The following TCP11L2 variants were observed in gnomAD, a reference collection of about 807,000 sequenced individuals.
The protein encoded by TCP11L2 is T-complex protein 11-like protein 2.
In TCP11L2, 39 loss-of-function variants were observed where a neutral mutation model predicts 50.7. The observed-to-expected ratio is 0.77, with a 90% CI of 0.60 to 1.01. The LOEUF is 1.01. Among genes scored for constraint, TCP11L2 ranks in the 50% least tolerant of loss-of-function variants. The pLI, the probability that TCP11L2 is intolerant of heterozygous loss-of-function variation, is 0.00. For missense variants in TCP11L2, 612 were observed against 614.7 expected (o/e 1.00, Z 0.05); for synonymous variants, 192 against 219.3 (o/e 0.88, Z 1.10).
At chr12:106,303,346 A>T (rs1280013817) in intron 1 of TCP11L2, 1 of 152,442 alleles carries the variant, frequency 6.6e-6, no homozygotes, top group African/African-American at 2.4e-5. Context: ...GCCAGGGTAG[A>T]GGCAGGGCGG....
At chr12:106,327,651 T>C (rs1040725222) in intron 6 of TCP11L2, among the ~76,000 whole-genome samples, 3 of 152,204 alleles carry the variant, frequency 2.0e-5, no homozygotes, top group African/African-American at 7.2e-5. Context: ...ATGTCAGCTG[T>C]TAATTATGTC....
At chr12:106,323,376 C>T in intron 5 of TCP11L2, 134 bp from the exon 6 acceptor site, 7 of 657,690 alleles carry the variant, frequency 1.1e-5, no homozygotes, top group Middle Eastern at 4.4e-4. Flanking sequence ...AAACATGACC[C>T]TACCAAATGG....
intron 6 of TCP11L2, among the ~76,000 whole-genome samples, chr12:106,334,252 A>G (rs1342903067): frequency 1.3e-5 from 2 of 152,176 alleles, no homozygotes; most frequent in African/African-American, 2.4e-5. Context: ...AGAGATGTTT[A>G]AAAAAGGTAG....
chr12:106,318,610 C>A (rs558298544), intron 4 of TCP11L2, 146 bp downstream of exon 4: 1 of 961,216 alleles, frequency 1.0e-6, no homozygotes, highest in African/African-American at 1.7e-5. Flanking sequence ...CAAAGCACCA[C>A]CAGATTCGGC....
At chr12:106,329,290 A>G (rs2035664427) in intron 6 of TCP11L2, 15 of 1,536,016 alleles carry the variant, frequency 9.8e-6, no homozygotes, top group Non-Finnish European at 1.3e-5. Context: ...TTTTCGTCAA[A>G]TAAACGAATG....
At chr12:106,316,757 C>T (rs2035100401) in intron 3 of TCP11L2, among the ~76,000 whole-genome samples, 1 of 152,092 alleles carries the variant, frequency 6.6e-6, no homozygotes, top group African/African-American at 2.4e-5. Flanking sequence ...CAGAGACTTT[C>T]TTTTCACTGT....
chr12:106,336,267 TC>T, intron 8 of TCP11L2, 54 bp downstream of exon 8: 1 of 1,500,022 alleles, frequency 6.7e-7, no homozygotes. Context: ...TCTGCATGTG[TC>T]TCAGAGAACA....
chr12:106,335,992 G>A (rs1592973785), intron 7 of TCP11L2, 40 bp from the exon 8 acceptor site: 1 of 1,535,134 alleles, frequency 6.5e-7, no homozygotes, highest in East Asian at 2.4e-5. Context: ...ATGCTATTGA[G>A]CTACCCTTTC....
At chr12:106,346,228 T>C in intron 9 of TCP11L2, 58 bp from the exon 10 acceptor site, 1 of 1,523,562 alleles carries the variant, frequency 6.6e-7, no homozygotes, top group Non-Finnish European at 8.8e-7. Context: ...TGTTCTTGTT[T>C]TTAAAAATTA....
At chr12:106,307,857 A>G (rs1259189573) in intron 1 of TCP11L2, among the ~76,000 whole-genome samples, 1 of 152,234 alleles carries the variant, frequency 6.6e-6, no homozygotes, top group East Asian at 1.9e-4. Context: ...ACATTTGTAT[A>G]CTGTTTACTG....
At chr12:106,310,984 G>C (rs1292319417) in intron 1 of TCP11L2, 57 bp from the exon 2 acceptor site, 5 of 1,438,354 alleles carry the variant, frequency 3.5e-6, no homozygotes, top group African/African-American at 1.4e-5. Context: ...AAGAAGCATT[G>C]GTGGTGCCTG....
chr12:106,304,496 A>G lies in TCP11L2; in HGVS notation c.-36+1555A>G, dbSNP rs145372833. Among the ~76,000 whole-genome samples, 11 of 152,370 alleles carry G rather than the reference A, an allele frequency of 7.2e-5. No individual in the cohort carries two copies. The East Asian group carries it at 1.3e-3, about 19-fold the overall frequency. ...GTGGATGAATAACTTTAGTGCTGCT[A>G]TTTAAGACTGATTCTAAAGCAGCAT... On this transcript the variant is annotated intron_variant, in intron 1 of 9. Transcript: ENST00000299045.
intron 9 of TCP11L2, among the ~76,000 whole-genome samples, chr12:106,345,214 C>T (rs915314032): frequency 6.6e-6 from 1 of 152,088 alleles, no homozygotes; most frequent in Non-Finnish European, 1.5e-5. Context: ...CCAGGCTGGT[C>T]TCGAACTCCT....
At chr12:106,321,950 CAG>C (rs2035355141) in intron 5 of TCP11L2, among the ~76,000 whole-genome samples, 3 of 152,196 alleles carry the variant, frequency 2.0e-5, no homozygotes, top group South Asian at 4.1e-4. Flanking sequence ...ATGAAAAAGA[CAG>C]ATATAATCCC....
intron 1 of TCP11L2, chr12:106,303,434 AG>A (rs1288656074): frequency 6.6e-6 from 1 of 152,296 alleles, no homozygotes; most frequent in Non-Finnish European, 1.5e-5. Context: ...CCCTCCCCCA[AG>A]GGTTTGTTTT....
At chr12:106,320,166 C>G (rs2035284266) in intron 4 of TCP11L2, among the ~76,000 whole-genome samples, 1 of 152,100 alleles carries the variant, frequency 6.6e-6, no homozygotes, top group African/African-American at 2.4e-5. Flanking sequence ...TTTGGGAGGC[C>G]CAGGTGGGCG....
chr12:106,331,639 A>T (rs529387200), intron 6 of TCP11L2, among the ~76,000 whole-genome samples: 1 of 152,330 alleles, frequency 6.6e-6, no homozygotes, highest in African/African-American at 2.4e-5. Context: ...CAGGAAGAAT[A>T]TTATCCCCAA....
chr12:106,304,970 C>G (rs1256787393), intron 1 of TCP11L2, among the ~76,000 whole-genome samples: 1 of 152,140 alleles, frequency 6.6e-6, no homozygotes, highest in African/African-American at 2.4e-5. Context: ...AGGATAAGAT[C>G]AGCTTGCTAC....
intron 4 of TCP11L2, 62 bp from the exon 5 acceptor site, chr12:106,321,424 G>A (rs2035328810): frequency 2.8e-6 from 4 of 1,421,368 alleles, no homozygotes; most frequent in Non-Finnish European, 3.9e-6. Context: ...AGACACTGAG[G>A]TGAAAAGTGA....
Sources: gnomAD v4.1 joint callset for allele counts (sites outside exome capture counted in the v4.1 genomes callset) on GRCh38, gnomAD v4.1.1 for gene constraint, MANE v1.5 for transcripts, NCBI Gene and HGNC (gene_info 2026-07-23, HGNC 2026-07-21) for gene names.